DCAF5: variants seen among roughly 807,000 people sequenced by gnomAD.
The protein encoded by DCAF5 is DDB1- and CUL4-associated factor 5.
In DCAF5, 9 loss-of-function variants were observed where a neutral mutation model predicts 80.7. The observed-to-expected ratio is 0.11, with a 90% confidence interval of 0.07 to 0.19. DCAF5 has a LOEUF of 0.19. DCAF5 is among the 10% of genes least tolerant of loss of function. DCAF5 has a pLI of 1.00. For missense variants in DCAF5, 842 were observed against 1,205.7 expected, an observed-to-expected ratio of 0.70 and a Z score of 4.47; for synonymous variants, 433 against 461.9, an observed-to-expected ratio of 0.94 and a Z score of 0.80.
At chr14:69,139,132 C>G (rs2041279711) in intron 1 of DCAF5, among the ~76,000 whole-genome samples, 1 of 151,868 alleles carries the variant, frequency 6.6e-6, no homozygotes, top group African/African-American at 2.4e-5. Flanking sequence ...GCCTGGGCAA[C>G]AGAGTATAAT....
Position 69,055,019 on chromosome 14 carries a change from T to A in DCAF5, c.1667A>T (p.Glu556Val). The change falls in exon 9 of 9, where the codon GAA (glutamate) becomes GTA (valine). Residue 556 changes from glutamate to valine, a missense_variant. By Grantham distance (121) the Glu-to-Val change is moderately radical (BLOSUM62 -2). This residue lies in a region of DCAF5 where 607 missense variants were observed against 656.6 expected (regional missense o/e 0.92). Transcript: ENST00000341516. This position sits in a 1 kb window ranked among gnomAD's most constrained non-coding sequence, Gnocchi z 5.6. ...GCTGCTGGAACTGCTGGATTCATCT[T>A]CGGGGCTGGGTGACCGTGGCCGGGG... ...LFPRPRSPSP[E>V]DESSSSSSSS... The A allele has an allele frequency of 1.2e-6, 2 of 1,614,200 alleles. No homozygotes were observed. The highest frequency in any genetic ancestry group is 1.7e-6 in the Non-Finnish European group (2 of 1,180,024).
rs2041750884 is a variant in DCAF5, at chr14:69,152,804, T to C, written c.175A>G (p.Ile59Val). Residue 59 changes from isoleucine to valine, a missense_variant, in exon 1 of 9, where the codon ATT (isoleucine) becomes GTT (valine). Ile to Val is a conservative substitution (Grantham distance 29, BLOSUM62 3). Around this residue, in one of 5 missense-constraint regions of DCAF5, gnomAD observed 142 missense variants for 311.9 expected, o/e 0.46. Coordinates refer to ENST00000341516, the MANE Select transcript of DCAF5 (RefSeq NM_003861.3). This position sits in a 1 kb window ranked among gnomAD's most constrained non-coding sequence, Gnocchi z 4.1. ...LLGHFGCVNA[I>V]EFSNNGGQWL... Reference sequence around the variant, plus strand: ...TGGCCTCCATTGTTGGAGAATTCAATGGCATTGACACAGCCGAAGTGGCCG... The same window carrying C: ...TGGCCTCCATTGTTGGAGAATTCAACGGCATTGACACAGCCGAAGTGGCCG... The C allele has an allele frequency of 6.2e-7, 1 of 1,614,028 alleles. No homozygotes were observed.
intron 1 of DCAF5, among the ~76,000 whole-genome samples, chr14:69,124,916 A>G (rs1161248278): frequency 6.6e-6 from 1 of 152,154 alleles, no homozygotes; most frequent in African/African-American, 2.4e-5. Flanking sequence ...AGCAAAAGCA[A>G]AAAGTTAAAA....
At chr14:69,075,686 G>A (rs1307879253) in intron 6 of DCAF5, among the ~76,000 whole-genome samples, 1 of 152,130 alleles carries the variant, frequency 6.6e-6, no homozygotes, top group Non-Finnish European at 1.5e-5. Flanking sequence ...GTTTCACCAT[G>A]TTGGCCAGGC....
At chr14:69,086,826 G>A (rs1489201154) in intron 6 of DCAF5, among the ~76,000 whole-genome samples, 1 of 152,154 alleles carries the variant, frequency 6.6e-6, no homozygotes, top group Non-Finnish European at 1.5e-5. Context: ...TCCTCCAGGG[G>A]ATGGGACAGG....
At chr14:69,077,365 CTTATTTAT>C (rs71953676) in intron 6 of DCAF5, among the ~76,000 whole-genome samples, 45,698 of 143,876 alleles carry the variant, frequency 0.32, 9,116 homozygotes, top group East Asian at 0.9. Context: ...CGACATGTAG[CTTATTTAT>C]TTATTTATTT....
At chr14:69,108,434 G>T (rs145211898) in intron 5 of DCAF5, among the ~76,000 whole-genome samples, 142 of 152,320 alleles carry the variant, frequency 9.3e-4, no homozygotes, top group African/African-American at 3.3e-3. Flanking sequence ...CGCAAGCTAA[G>T]GAGCCAGTGC....
chr14:69,125,004 G>A (rs1019172094), intron 1 of DCAF5, among the ~76,000 whole-genome samples: 1 of 152,036 alleles, frequency 6.6e-6, no homozygotes, highest in African/African-American at 2.4e-5. Context: ...AACATAAAAT[G>A]GTAATCATAA....
At chr14:69,108,165 T>C (rs1323106992) in intron 5 of DCAF5, among the ~76,000 whole-genome samples, 3 of 152,234 alleles carry the variant, frequency 2.0e-5, no homozygotes, top group Admixed American at 2.0e-4. Flanking sequence ...GGAGAGATCC[T>C]TTCCTCTAGA....
intron 7 of DCAF5, among the ~76,000 whole-genome samples, chr14:69,069,041 T>C (rs1420015787): frequency 6.6e-6 from 1 of 152,244 alleles, no homozygotes; most frequent in Non-Finnish European, 1.5e-5. Context: ...GTGCCTCACA[T>C]GTGTTTATAA....
chr14:69,054,994 G>A lies in DCAF5; in HGVS notation c.1692C>T (p.Ser564=), dbSNP rs2037902174. ...CCTCCTCATCCTCAGAGCTGCTAGAGCTGCTGGAACTGCTGGATTCATCTT... is the reference window on the plus strand; with the variant it reads ...CCTCCTCATCCTCAGAGCTGCTAGAACTGCTGGAACTGCTGGATTCATCTT... ...SPEDESSSSS[S]SSSSEDEEEL... is the part of the protein sequence containing the mutation. Residue 564 remains serine (S), a synonymous_variant, in exon 9 of 9, where the codon AGC becomes AGT. Coordinates refer to ENST00000341516, the MANE Select transcript of DCAF5 (RefSeq NM_003861.3). 6.2e-7 allele frequency: 1 copy of A among 1,614,262 alleles called. No individual in the cohort carries two copies.
intron 5 of DCAF5, among the ~76,000 whole-genome samples, chr14:69,094,296 C>T (rs1285538372): frequency 6.6e-6 from 1 of 152,076 alleles, no homozygotes; most frequent in East Asian, 1.9e-4. Flanking sequence ...GAGGAGTCTG[C>T]CCAGGACAGG....
At chr14:69,130,940 A>T (rs2041022060) in intron 1 of DCAF5, among the ~76,000 whole-genome samples, 1 of 152,166 alleles carries the variant, frequency 6.6e-6, no homozygotes, top group African/African-American at 2.4e-5. Flanking sequence ...AATGGAGAAA[A>T]TACCAACTAT....
intron 5 of DCAF5, among the ~76,000 whole-genome samples, chr14:69,094,003 A>G (rs1434171039): frequency 2.0e-5 from 3 of 152,212 alleles, no homozygotes; most frequent in Admixed American, 6.5e-5. Context: ...TGTGGCTGCG[A>G]CAGGCATGTG....
intron 8 of DCAF5, among the ~76,000 whole-genome samples, chr14:69,056,971 T>C (rs1460276378): frequency 6.6e-6 from 1 of 152,188 alleles, no homozygotes; most frequent in Admixed American, 6.5e-5. Context: ...CTTCATAATC[T>C]TACCCTAGAG....
At chr14:69,140,102 C>A (rs941686660) in intron 1 of DCAF5, among the ~76,000 whole-genome samples, 1 of 151,870 alleles carries the variant, frequency 6.6e-6, no homozygotes, top group African/African-American at 2.4e-5. Context: ...CTCGTCTCTA[C>A]TAAAACTACA....
At chr14:69,119,722 AG>A (rs1021276439) in intron 2 of DCAF5, among the ~76,000 whole-genome samples, 3 of 149,022 alleles carry the variant, frequency 2.0e-5, no homozygotes, top group Non-Finnish European at 4.5e-5. Flanking sequence ...AAAAAAAAGT[AG>A]GGGGGAAACA....
chr14:69,121,067 G>T (rs1035312608), intron 2 of DCAF5, among the ~76,000 whole-genome samples: 3 of 152,202 alleles, frequency 2.0e-5, no homozygotes, highest in Non-Finnish European at 4.4e-5. Flanking sequence ...AGGCACAAGG[G>T]CAAAATAGTA....
At chr14:69,127,866 A>C (rs1002004351) in intron 1 of DCAF5, among the ~76,000 whole-genome samples, 1 of 152,218 alleles carries the variant, frequency 6.6e-6, no homozygotes, top group Non-Finnish European at 1.5e-5. Context: ...AGTAATAATA[A>C]TAATATTGGA....
Sources: gnomAD v4.1 joint callset for allele counts (sites outside exome capture counted in the v4.1 genomes callset) on GRCh38, gnomAD v4.1.1 for gene constraint, gnomAD v4.1.1 regional missense constraint, Gnocchi (gnomAD v3.1) non-coding constraint, MANE v1.5 for transcripts, NCBI Gene and HGNC (gene_info 2026-07-23, HGNC 2026-07-21) for gene names.